Variants in SFMBT2 observed in about 807,000 individuals in gnomAD.
The protein encoded by SFMBT2 is Scm like with four mbt domains 2, also known as scm-like with four MBT domains protein 2.
Under a neutral mutation model 110.1 loss-of-function variants are expected in SFMBT2, and 38 were observed. That is an observed-to-expected ratio of 0.35 (90% CI 0.27 to 0.45). SFMBT2 has a LOEUF of 0.45. Ranked by LOEUF, SFMBT2 falls within the 20% of genes least tolerant of loss-of-function variation. The pLI is 1.00. For synonymous variants in SFMBT2, 425 were observed against 425.4 expected (o/e 1.00, Z 0.01); for missense variants, 1,011 against 1,094.9 (o/e 0.92, Z 1.08).
intron 16 of SFMBT2, among the ~76,000 whole-genome samples, chr10:7,177,306 T>A (rs1182691487): frequency 6.6e-6 from 1 of 152,154 alleles, no homozygotes; most frequent in Non-Finnish European, 1.5e-5. Flanking sequence ...TACAGTCTAT[T>A]TGTGTATTAG....
At chr10:7,359,285 C>T (rs962726994) in intron 4 of SFMBT2, among the ~76,000 whole-genome samples, 3 of 152,136 alleles carry the variant, frequency 2.0e-5, no homozygotes, top group South Asian at 2.1e-4. Context: ...TCCATGCACC[C>T]GAGGCCGTGA....
Position 7,370,879 on chromosome 10 carries a change from G to A in SFMBT2, c.101-504C>T, listed in dbSNP as rs74118841. 1,949 of 805,526 alleles carry A rather than the reference G, an allele frequency of 2.4e-3. 31 individuals carry two copies. The African/African-American group carries it at 0.032, about 13-fold the overall frequency. 49.9% of individuals were successfully genotyped at this position (805,526 alleles called of 1,614,324 possible). Reference sequence around the variant, plus strand: ...AAAATGAGGCCCCAAAGAATTGCTCGAGTGTGTGGGGCCACCCAGCCAGTC... The same window carrying A: ...AAAATGAGGCCCCAAAGAATTGCTCAAGTGTGTGGGGCCACCCAGCCAGTC... On this transcript the variant is annotated intron_variant, in intron 2 of 20. Coordinates refer to ENST00000397167, the MANE Select transcript of SFMBT2 (RefSeq NM_001387889.1).
chr10:7,206,361 G>A (rs1839137616), intron 11 of SFMBT2: 1 of 985,422 alleles, frequency 1.0e-6, no homozygotes, highest in Non-Finnish European at 1.2e-6. Context: ...AAGCCTTCAT[G>A]ATATGCTCCA....
chr10:7,275,599 A>G (rs752790344), intron 7 of SFMBT2, among the ~76,000 whole-genome samples: 2 of 152,182 alleles, frequency 1.3e-5, no homozygotes, highest in African/African-American at 2.4e-5. Flanking sequence ...CTGTCGGTCA[A>G]TATCATGCTA....
At chr10:7,330,659 C>T (rs991275011) in intron 4 of SFMBT2, among the ~76,000 whole-genome samples, 8 of 152,208 alleles carry the variant, frequency 5.3e-5, no homozygotes, top group Non-Finnish European at 1.0e-4. Flanking sequence ...CTCTCTCTTT[C>T]TTCCTCTCTC....
rs531478518 is a variant in SFMBT2 at position 7,197,883 on chromosome 10, G to A, written c.1559-196C>T. The A allele has an allele frequency of 2.9e-5, 25 of 854,716 alleles. No homozygotes were observed. The East Asian group carries it at 1.6e-3, about 54-fold the overall frequency. The allele number at this position is 854,716 out of a possible 1,614,324, so 52.9% of individuals were successfully genotyped here. On this transcript the variant is annotated intron_variant, in intron 14 of 20. Coordinates refer to ENST00000397167, the MANE Select transcript of SFMBT2 (RefSeq NM_001387889.1). ...CACAATAACCGTGACAGCCAGTGTC[G>A]TTAGAACTGTAATTAGGAGGCCACA...
At chr10:7,235,556 GCACA>G (rs1840227367) in intron 9 of SFMBT2, among the ~76,000 whole-genome samples, 1 of 149,910 alleles carries the variant, frequency 6.7e-6, no homozygotes, top group South Asian at 2.1e-4. Context: ...CAACCACACA[GCACA>G]CACATACAGA....
In SFMBT2 at chr10:7,367,479, TG is replaced by T. The variant is rs1475498014; in HGVS notation, c.436+169del. Among the ~76,000 whole-genome samples the T allele has an allele frequency of 2.0e-5, 3 of 152,242 alleles. No individual in the cohort carries two copies. Among genetic ancestry groups the T allele is most frequent in the Admixed American group, 6.5e-5 (1 of 15,284 alleles). ...CCAGCTCTGACATCTGAAAATGCAC[TG>T]ATCTCCCTCCAGCTAAGGAAACCTG... On this transcript the variant is annotated intron_variant, in intron 4 of 20. Transcript: ENST00000397167. This position sits in a 1 kb window ranked among gnomAD's most constrained non-coding sequence, Gnocchi z 6.2.
At chr10:7,391,008 G>GAGA (rs1845747364) in intron 1 of SFMBT2, among the ~76,000 whole-genome samples, 1 of 152,090 alleles carries the variant, frequency 6.6e-6, no homozygotes, top group Non-Finnish European at 1.5e-5. Flanking sequence ...GCTGAGGCAG[G>GAGA]AGAATCACTT....
At chr10:7,207,323 G>A (rs1437197328) in intron 11 of SFMBT2, among the ~76,000 whole-genome samples, 1 of 151,450 alleles carries the variant, frequency 6.6e-6, no homozygotes, top group Non-Finnish European at 1.5e-5. Flanking sequence ...TTGCACTATT[G>A]TACTCTGGCC....
At chr10:7,321,201 CTTTT>C (rs542174351) in intron 4 of SFMBT2, among the ~76,000 whole-genome samples, 2 of 130,484 alleles carry the variant, frequency 1.5e-5, no homozygotes, top group African/African-American at 2.9e-5. Context: ...TATGAGCATC[CTTTT>C]TTTTTTTTTT....
At chr10:7,304,987 C>A (rs948460583) in intron 4 of SFMBT2, among the ~76,000 whole-genome samples, 3 of 152,222 alleles carry the variant, frequency 2.0e-5, no homozygotes, top group Non-Finnish European at 4.4e-5. Flanking sequence ...CCTCCCTTTT[C>A]TTTTCAGGAG....
chr10:7,232,833 T>C (rs951402614), intron 9 of SFMBT2, among the ~76,000 whole-genome samples: 1 of 152,182 alleles, frequency 6.6e-6, no homozygotes, highest in Admixed American at 6.5e-5. Context: ...AAGGCATTGG[T>C]CGATCAATCC....
chr10:7,166,920 T>C (rs1472109346), intron 20 of SFMBT2, among the ~76,000 whole-genome samples: 1 of 152,208 alleles, frequency 6.6e-6, no homozygotes, highest in African/African-American at 2.4e-5. Flanking sequence ...ACCTCACAGG[T>C]GGTTTGATTT....
At chr10:7,324,593 C>T (rs541345209) in intron 4 of SFMBT2, among the ~76,000 whole-genome samples, 2 of 152,280 alleles carry the variant, frequency 1.3e-5, no homozygotes, top group South Asian at 4.1e-4. Flanking sequence ...CCACTATGGT[C>T]CCAAGGGAAT....
intron 9 of SFMBT2, among the ~76,000 whole-genome samples, chr10:7,242,033 C>T (rs368765221): frequency 1.3e-5 from 2 of 152,188 alleles, no homozygotes. Flanking sequence ...CCATTCCCCA[C>T]ACATACTTCC....
At chr10:7,192,394 G>T (rs989435132) in intron 15 of SFMBT2, among the ~76,000 whole-genome samples, 1 of 152,078 alleles carries the variant, frequency 6.6e-6, no homozygotes, top group African/African-American at 2.4e-5. Flanking sequence ...CGACTGCTTC[G>T]AAGAATGAAA....
chr10:7,176,528 C>T lies in SFMBT2; in HGVS notation c.1809-363G>A, dbSNP rs189455429. On this transcript the variant is annotated intron_variant, in intron 16 of 20. Transcript: ENST00000397167. ...AAATCGAATGGGTATTTTCCTGTTG[C>T]TATCATATTTCATTTTTGAAAAATG... is the stretch of plus-strand genomic sequence containing the variant. 6.9e-5 allele frequency: 68 copies of T among 985,232 alleles called. No individual in the cohort carries two copies. The African/African-American group carries it at 9.8e-4, about 14-fold the overall frequency. 61.0% of individuals were successfully genotyped at this position (985,232 alleles called of 1,614,324 possible).
In SFMBT2 at chr10:7,171,976, T is replaced by C; in HGVS notation, c.2334A>G (p.Thr778=). The part of the protein sequence containing the change: ...EPVRRPPPER[T]RRGRGAPAAS... The stretch of plus-strand genomic sequence containing the variant: ...CAGCCGGCGCCCCGCGGCCCCTTCG[T>C]GTCCTCTCTGGGGGTGGCCGGCGCA... The change falls in exon 19 of 21, where the codon ACA becomes ACG. Residue 778 remains threonine (T), a synonymous_variant. Transcript: ENST00000397167. This position sits in a 1 kb window ranked among gnomAD's most constrained non-coding sequence, Gnocchi z 4.9. 1 of 1,530,660 alleles carries C rather than the reference T, an allele frequency of 6.5e-7. No individual in the cohort carries two copies. Among genetic ancestry groups the C allele is most frequent in the Non-Finnish European group, 8.8e-7 (1 of 1,142,400 alleles). The allele number at this position is 1,530,660 out of a possible 1,614,324, so 94.8% of individuals were successfully genotyped here.
Sources: allele counts gnomAD v4.1 joint callset (sites outside exome capture counted in the v4.1 genomes callset), GRCh38; gene constraint gnomAD v4.1.1; non-coding constraint Gnocchi (gnomAD v3.1); transcripts MANE v1.5; gene names NCBI Gene and HGNC (gene_info 2026-07-23, HGNC 2026-07-21).